Variants in ATF7IP2 observed in about 807,000 individuals in gnomAD.
ATF7IP2 encodes the protein activating transcription factor 7 interacting protein 2.
Under a neutral mutation model 64.2 loss-of-function variants are expected in ATF7IP2, and 42 were observed. The ratio of observed to expected loss-of-function variants is 0.65; its 90% CI spans 0.51 to 0.85. The LOEUF (loss-of-function observed/expected upper bound fraction) is 0.85, where lower values mean the gene tolerates loss of function less well. Among genes scored for constraint, ATF7IP2 ranks in the 40% least tolerant of loss-of-function variants. The pLI, the probability that ATF7IP2 is intolerant of heterozygous loss-of-function variation, is 0.00. For missense variants in ATF7IP2, 933 were observed against 784.2 expected (o/e 1.19, Z -2.27); for synonymous variants, 308 against 272.8 (o/e 1.13, Z -1.27).
At chr16:10,395,111 T>C (rs1327739408) in intron 1 of ATF7IP2, among the ~76,000 whole-genome samples, 2 of 151,798 alleles carry the variant, frequency 1.3e-5, no homozygotes, top group African/African-American at 2.4e-5. Flanking sequence ...CTCAAATTAC[T>C]AAAATCAGGA....
At chr16:10,415,583 T>C (rs1037773935) in intron 2 of ATF7IP2, among the ~76,000 whole-genome samples, 2 of 152,182 alleles carry the variant, frequency 1.3e-5, no homozygotes, top group Non-Finnish European at 2.9e-5. Flanking sequence ...TCATAAGCCT[T>C]GGTAATCAAA....
Position 10,410,017 on chromosome 16 carries a change from A to G in ATF7IP2, c.-241-4557A>G, listed in dbSNP as rs146577816. Among the ~76,000 whole-genome samples the G allele has an allele frequency of 3.3e-3, 508 of 152,304 alleles. 1 individual carries two copies. Among genetic ancestry groups the G allele is most frequent in the African/African-American group, 0.012 (494 of 41,570 alleles). ...TGAAGTCAGGTAATGTGATGCCTCC[A>G]GATATGTTCTTTTTGCTTAGTCTTG... On this transcript the variant is annotated intron_variant, in intron 1 of 13. Transcript: ENST00000562102.
In ATF7IP2 at chr16:10,482,130, T is replaced by C. The variant is rs191746359; in HGVS notation, c.1930T>C (p.Ser644Pro). 2 of 1,614,094 alleles carry C rather than the reference T, an allele frequency of 1.2e-6. No individual in the cohort carries two copies. Among genetic ancestry groups the C allele is most frequent in the Non-Finnish European group, 1.7e-6 (2 of 1,179,938 alleles). ...ACCACTCCCCATGGCCTGTACTTTA[T>C]CTCAGTTTTTAGCTTCCAACAGATA... ...ALPLPMACTL[S>P]QFLASNRYYF... The change falls in exon 14 of 14, where the codon TCT (serine) becomes CCT (proline). Residue 644 changes from serine to proline, a missense_variant. Physicochemically the swap from Ser to Pro is moderately conservative, Grantham distance 74. Coordinates refer to ENST00000562102, the MANE Select transcript of ATF7IP2 (RefSeq NM_001393719.1).
intron 1 of ATF7IP2, among the ~76,000 whole-genome samples, chr16:10,396,563 C>G (rs1268068921): frequency 6.6e-6 from 1 of 151,960 alleles, no homozygotes; most frequent in African/African-American, 2.4e-5. Flanking sequence ...TGCTCTGTGG[C>G]CCAGGCTGGA....
chr16:10,394,474 CTG>C (rs2047386166), intron 1 of ATF7IP2, among the ~76,000 whole-genome samples: 1 of 152,292 alleles, frequency 6.6e-6, no homozygotes, highest in African/African-American at 2.4e-5. Context: ...GGATAGAAAA[CTG>C]AGGAAATCAG....
chr16:10,476,519 T>C (rs949125699), intron 12 of ATF7IP2, among the ~76,000 whole-genome samples: 12 of 152,112 alleles, frequency 7.9e-5, no homozygotes, highest in African/African-American at 2.7e-4. Flanking sequence ...AACTTTATGT[T>C]CTGGGGTACA....
intron 8 of ATF7IP2, among the ~76,000 whole-genome samples, chr16:10,441,779 T>C (rs2048632020): frequency 6.6e-6 from 1 of 152,264 alleles, no homozygotes; most frequent in South Asian, 2.1e-4. Flanking sequence ...TTGGCTTTTG[T>C]TGCTGTTGCT....
chr16:10,438,119 CAGG>C lies in ATF7IP2; in HGVS notation c.982_984del (p.Glu328del), dbSNP rs774924309. 1.3e-6 allele frequency: 2 copies of C among 1,555,344 alleles called. No homozygotes were observed. The highest frequency in any genetic ancestry group is 1.7e-6 in the Non-Finnish European group (2 of 1,155,118). ...ATTCTAGGTCAGACATTTGATTCAGCAGGAGATCTATAGCATAAATTATGAACT... is the reference window on the plus strand; with the variant it reads ...ATTCTAGGTCAGACATTTGATTCAGCAGATCTATAGCATAAATTATGAACT... On this transcript the variant is annotated inframe_deletion, in exon 7 of 14. Coordinates refer to ENST00000562102, the MANE Select transcript of ATF7IP2 (RefSeq NM_001393719.1).
At chr16:10,471,087 C>A (rs919987818) in intron 9 of ATF7IP2, among the ~76,000 whole-genome samples, 4 of 152,040 alleles carry the variant, frequency 2.6e-5, no homozygotes, top group African/African-American at 7.2e-5. Flanking sequence ...TGTAGTTTAA[C>A]AGGAAAAGAT....
chr16:10,428,764 C>T (rs1018342355), intron 3 of ATF7IP2, 104 bp from the exon 4 acceptor site: 3 of 152,118 alleles, frequency 2.0e-5, no homozygotes, highest in South Asian at 2.1e-4. Flanking sequence ...TGTAGGATTT[C>T]GTTCTCATCA....
At position 10,481,943 on chromosome 16, in the gene ATF7IP2, C is replaced by G; in HGVS notation, c.1743C>G (p.Leu581=). The G allele has an allele frequency of 1.2e-6, 2 of 1,614,116 alleles. No individual in the cohort carries two copies. The highest frequency in any genetic ancestry group is 1.7e-6 in the Non-Finnish European group (2 of 1,180,004). Residue 581 remains leucine (L), a synonymous_variant, in exon 14 of 14, where the codon CTC becomes CTG. Coordinates refer to ENST00000562102, the MANE Select transcript of ATF7IP2 (RefSeq NM_001393719.1). Reference sequence around the variant, plus strand: ...CACTTCCTCCCCAGAAGCCTGAGCTCAAAGTGAAACGGGTTTTCAGACCCA... The same window carrying G: ...CACTTCCTCCCCAGAAGCCTGAGCTGAAAGTGAAACGGGTTTTCAGACCCA... ...RDTLPPQKPE[L]KVKRVFRPNG...
intron 3 of ATF7IP2, 67 bp from the exon 4 acceptor site, chr16:10,428,801 C>T (rs920383467): frequency 3.3e-5 from 5 of 152,118 alleles, no homozygotes; most frequent in Admixed American, 2.6e-4. Context: ...GCACTTTTCT[C>T]CTGTCAAAAA....
intron 8 of ATF7IP2, chr16:10,446,207 G>A (rs777089304): frequency 6.6e-6 from 1 of 152,252 alleles, no homozygotes; most frequent in Non-Finnish European, 1.5e-5. Context: ...CTTTTGTATG[G>A]TAATTAATTA....
chr16:10,394,053 A>G (rs1470431391), intron 1 of ATF7IP2, among the ~76,000 whole-genome samples: 4 of 152,202 alleles, frequency 2.6e-5, no homozygotes, highest in African/African-American at 9.7e-5. Context: ...CAACCAAGTA[A>G]TGTCAGGTGT....
intron 7 of ATF7IP2, among the ~76,000 whole-genome samples, chr16:10,439,482 C>A (rs1290319617): frequency 2.0e-5 from 3 of 150,986 alleles, no homozygotes; most frequent in Non-Finnish European, 4.4e-5. Context: ...GATCCGCCTG[C>A]CTCGGCTTCC....
chr16:10,418,841 G>A (rs567137025), intron 2 of ATF7IP2, among the ~76,000 whole-genome samples: 9 of 152,268 alleles, frequency 5.9e-5, no homozygotes, highest in African/African-American at 2.2e-4. Flanking sequence ...TTGAGGTTGA[G>A]GTGCCACTAT....
intron 12 of ATF7IP2, among the ~76,000 whole-genome samples, chr16:10,480,052 G>C (rs1483809547): frequency 3.2e-5 from 4 of 126,622 alleles, no homozygotes; most frequent in African/African-American, 1.2e-4. Flanking sequence ...GCAGTGGCTT[G>C]ATCTTGGCTC....
rs1433555824 is a variant in ATF7IP2, at chr16:10,397,520, A to G, written c.-242+11398A>G. ...ATTAAAAAATGAATTCAAGAGTTTG[A>G]GGTTACAGTGAGCTGTGATCTTGCA... is the stretch of plus-strand genomic sequence containing the variant. On this transcript the variant is annotated intron_variant, in intron 1 of 13. Transcript: ENST00000562102. 2.6e-5 allele frequency among the ~76,000 whole-genome samples: 4 copies of G among 152,200 alleles called. No individual in the cohort carries two copies. In the East Asian group the frequency reaches 7.7e-4, roughly 29 times the overall value.
At chr16:10,474,601 A>T (rs2049935749) in intron 12 of ATF7IP2, among the ~76,000 whole-genome samples, 1 of 152,216 alleles carries the variant, frequency 6.6e-6, no homozygotes, top group Non-Finnish European at 1.5e-5. Context: ...AGGAAAAAGA[A>T]GTGAAATACA....
Sources: allele counts gnomAD v4.1 joint callset (sites outside exome capture counted in the v4.1 genomes callset), GRCh38; gene constraint gnomAD v4.1.1; transcripts MANE v1.5; gene names NCBI Gene and HGNC (gene_info 2026-07-23, HGNC 2026-07-21).